Variants in MORN2 observed in about 807,000 individuals in gnomAD.
MORN2 encodes MORN repeat containing 2.
Under a neutral mutation model 13.4 loss-of-function variants are expected in MORN2, and 15 were observed. The ratio of observed to expected loss-of-function variants is 1.12; its 90% CI spans 0.75 to 1.72. MORN2 has a LOEUF of 1.72. Among genes scored for constraint, MORN2 ranks in the 40% most tolerant of loss-of-function variants. The pLI is 0.00. For missense variants in MORN2, 168 were observed against 134.6 expected, an observed-to-expected ratio of 1.25 and a Z score of -1.23; for synonymous variants, 46 against 43.6, an observed-to-expected ratio of 1.06 and a Z score of -0.22.
At position 38,880,677 on chromosome 2, in the gene MORN2, G is replaced by A. The variant is rs1286489867; in HGVS notation, c.187G>A (p.Val63Ile). ...TATTCATACCACTCCTAATGGGATTGTCTACACAGGAAGCTGGAAAGATGA... is the reference window on the plus strand; with the variant it reads ...TATTCATACCACTCCTAATGGGATTATCTACACAGGAAGCTGGAAAGATGA... Residue 63 changes from valine (V) to isoleucine (I), a missense_variant, in exon 3 of 5, where the codon GTC (valine) becomes ATC (isoleucine). Coordinates refer to ENST00000644631, the MANE Select transcript of MORN2 (RefSeq NM_001145450.3). 6.5e-7 allele frequency: 1 copy of A among 1,550,034 alleles called. No individual in the cohort carries two copies. Among genetic ancestry groups the A allele is most frequent in the South Asian group, 1.2e-5 (1 of 83,902 alleles).
rs1441607753 is a variant in MORN2 at position 38,881,531 on chromosome 2, C to G, written c.306C>G (p.Tyr102Ter). Residue 102 changes from tyrosine to a stop codon, truncating the protein, a stop_gained, in exon 4 of 5, where the codon TAC becomes TAG. Transcript: ENST00000644631. LOFTEE classifies it high-confidence loss of function. ...ATATGTTTCATGGACTGGGGACTTACACATTCCCAAATGGGGCAAAGTATA... is the reference window on the plus strand; with the variant it reads ...ATATGTTTCATGGACTGGGGACTTAGACATTCCCAAATGGGGCAAAGTATA... 6.5e-7 allele frequency: 1 copy of G among 1,541,258 alleles called. No individual in the cohort carries two copies. Among genetic ancestry groups the G allele is most frequent in the Non-Finnish European group, 8.7e-7 (1 of 1,143,566 alleles).
At chr2:38,876,633 A>G (rs1462689918) in intron 1 of MORN2, among the ~76,000 whole-genome samples, 1 of 152,188 alleles carries the variant, frequency 6.6e-6, no homozygotes, top group Non-Finnish European at 1.5e-5. Flanking sequence ...GGATCCCGAT[A>G]CAAAAGCATG....
Position 38,882,549 on chromosome 2 carries a change from T to C in MORN2, c.*34T>C, listed in dbSNP as rs1037843856. 3 of 1,458,832 alleles carry C rather than the reference T, an allele frequency of 2.1e-6. No individual in the cohort carries two copies. The highest frequency in any genetic ancestry group is 2.5e-5 in the East Asian group (1 of 40,348). The allele number at this position is 1,458,832 out of a possible 1,614,324, so 90.4% of individuals were successfully genotyped here. ...TTAAATTAAAGTTGAAATGTAGTAA[T>C]TGAAGCTTTTAGTTGTAAGGAAAGC... On this transcript the variant is annotated 3_prime_UTR_variant, in exon 5 of 5. Coordinates refer to ENST00000644631, the MANE Select transcript of MORN2 (RefSeq NM_001145450.3).
At chr2:38,879,192 C>G (rs1030433040) in intron 1 of MORN2, among the ~76,000 whole-genome samples, 16 of 152,082 alleles carry the variant, frequency 1.1e-4, no homozygotes, top group Non-Finnish European at 7.4e-5. Flanking sequence ...TTAAAGATTC[C>G]TCACTCCACC....
intron 2 of MORN2, 60 bp from the exon 3 acceptor site, chr2:38,880,540 C>G (rs575475307): frequency 8.9e-7 from 1 of 1,128,840 alleles, no homozygotes. Flanking sequence ...GGTGTAGTTG[C>G]GATTAGGCCC....
At chr2:38,878,179 G>A (rs57402448) in intron 1 of MORN2, among the ~76,000 whole-genome samples, 36 of 152,190 alleles carry the variant, frequency 2.4e-4, no homozygotes, top group African/African-American at 8.0e-4. Context: ...ATTTTGTCTC[G>A]GAATTTTAAA....
intron 1 of MORN2, among the ~76,000 whole-genome samples, chr2:38,879,882 C>T (rs543559652): frequency 4.7e-4 from 72 of 151,990 alleles, no homozygotes; most frequent in Non-Finnish European, 7.9e-4. Flanking sequence ...TTTATTTCCC[C>T]GGGACCCTAC....
intron 1 of MORN2, among the ~76,000 whole-genome samples, chr2:38,879,978 G>A (rs1224048204): frequency 6.6e-6 from 1 of 152,160 alleles, no homozygotes; most frequent in Non-Finnish European, 1.5e-5. Flanking sequence ...AGCACATTGG[G>A]TATAGGTCTT....
chr2:38,882,689 A>C lies in MORN2; in HGVS notation c.*174A>C, dbSNP rs1665805056. 2.3e-6 allele frequency: 1 copy of C among 442,682 alleles called. No individual in the cohort carries two copies. The highest frequency in any genetic ancestry group is 2.0e-5 in the African/African-American group (1 of 50,612). The allele number at this position is 442,682 out of a possible 1,614,324, so 27.4% of individuals were successfully genotyped here. ...ATATTCATTGTCTTACAATTAGTTTAAAATAAATGACATGATTCAATTCAG... is the reference window on the plus strand; with the variant it reads ...ATATTCATTGTCTTACAATTAGTTTCAAATAAATGACATGATTCAATTCAG... On this transcript the variant is annotated 3_prime_UTR_variant, in exon 5 of 5. Transcript: ENST00000644631.
rs1665711007 is a variant in MORN2 at position 38,878,758 on chromosome 2, C to CTT, written c.59-1421_59-1420insTT. Among the ~76,000 whole-genome samples the CTT allele has an allele frequency of 2.0e-5, 3 of 152,034 alleles. No individual in the cohort carries two copies. The South Asian group carries it at 6.2e-4, about 32-fold the overall frequency. On this transcript the variant is annotated intron_variant, in intron 1 of 4. Transcript: ENST00000644631. Reference sequence around the variant, plus strand: ...CTATTTCAAGGATACTAATACTCTCCCTTTCTCTCTGAGGATGTTACAGTT... The same window carrying CTT: ...CTATTTCAAGGATACTAATACTCTCCTTCTTTCTCTCTGAGGATGTTACAGTT...
chr2:38,882,547 A>G lies in MORN2; in HGVS notation c.*32A>G, dbSNP rs757897958. Reference sequence around the variant, plus strand: ...TGTTAAATTAAAGTTGAAATGTAGTAATTGAAGCTTTTAGTTGTAAGGAAA... The same window carrying G: ...TGTTAAATTAAAGTTGAAATGTAGTGATTGAAGCTTTTAGTTGTAAGGAAA... On this transcript the variant is annotated 3_prime_UTR_variant, in exon 5 of 5. Transcript: ENST00000644631. 4.1e-6 allele frequency: 6 copies of G among 1,460,962 alleles called. No individual in the cohort carries two copies. The highest frequency in any genetic ancestry group is 4.7e-6 in the Non-Finnish European group (5 of 1,066,302). 90.5% of individuals were successfully genotyped at this position (1,460,962 alleles called of 1,614,324 possible).
intron 1 of MORN2, among the ~76,000 whole-genome samples, chr2:38,879,864 C>A (rs940262039): frequency 6.6e-6 from 1 of 152,062 alleles, no homozygotes; most frequent in Non-Finnish European, 1.5e-5. Flanking sequence ...ATCATCTAGG[C>A]AAAATTGTTT....
intron 4 of MORN2, 81 bp from the exon 5 acceptor site, chr2:38,882,332 T>C: frequency 1.3e-6 from 1 of 741,416 alleles, no homozygotes; most frequent in Non-Finnish European, 2.1e-6. Context: ...AGACATAGTA[T>C]ATATTATGCT....
At chr2:38,881,281 G>A (rs543739784) in intron 3 of MORN2, among the ~76,000 whole-genome samples, 161 bp from the exon 4 acceptor site, 4 of 152,284 alleles carry the variant, frequency 2.6e-5, no homozygotes, top group South Asian at 4.1e-4. Flanking sequence ...ACAGATGAAG[G>A]AAAATGATAA....
chr2:38,876,512 A>C (rs577118106), intron 1 of MORN2, among the ~76,000 whole-genome samples: 1 of 152,334 alleles, frequency 6.6e-6, no homozygotes, highest in East Asian at 1.9e-4. Context: ...AGTGCCCTTC[A>C]TTCACTAGAC....
intron 3 of MORN2, 84 bp from the exon 4 acceptor site, chr2:38,881,358 G>A: frequency 8.0e-7 from 1 of 1,247,618 alleles, no homozygotes; most frequent in Non-Finnish European, 1.1e-6. Flanking sequence ...ATTAGCAGAT[G>A]ATAGACTTAT....
At chr2:38,880,565 T>C in intron 2 of MORN2, 35 bp from the exon 3 acceptor site, 1 of 1,392,844 alleles carries the variant, frequency 7.2e-7, no homozygotes, top group Non-Finnish European at 9.7e-7. Flanking sequence ...ATAACTATTC[T>C]CATTTATAAT....
chr2:38,879,042 C>A (rs1440489288), intron 1 of MORN2, among the ~76,000 whole-genome samples: 1 of 152,186 alleles, frequency 6.6e-6, no homozygotes, highest in Non-Finnish European at 1.5e-5. Flanking sequence ...GTCCAGGGAT[C>A]TGAGGCCCAG....
Position 38,881,494 on chromosome 2 carries a change from A to G in MORN2, c.269A>G (p.Gln90Arg). 6.5e-7 allele frequency: 1 copy of G among 1,545,946 alleles called. No homozygotes were observed. The change falls in exon 4 of 5, where the codon CAA becomes CGA. Residue 90 changes from glutamine (Q) to arginine (R), a missense_variant. Coordinates refer to ENST00000644631, the MANE Select transcript of MORN2 (RefSeq NM_001145450.3). The stretch of plus-strand genomic sequence containing the variant: ...TTTTCAGGAGCAGTATATGAAGGAC[A>G]ATTTAAGGATAATATGTTTCATGGA...
Sources: allele counts gnomAD v4.1 joint callset (sites outside exome capture counted in the v4.1 genomes callset), GRCh38; gene constraint gnomAD v4.1.1; transcripts MANE v1.5; gene names NCBI Gene and HGNC (gene_info 2026-07-23, HGNC 2026-07-21).